The following GALNT13 variants were observed in gnomAD, a reference collection of about 807,000 sequenced individuals.
GALNT13 encodes UDP-GalNAc:polypeptide N-acetylgalactosaminyltransferase 13.
Under a neutral mutation model 64.2 loss-of-function variants are expected in GALNT13, and 28 were observed. That is an observed-to-expected ratio of 0.44 (90% CI 0.32 to 0.60). The LOEUF is 0.60. GALNT13 is among the 20% of genes least tolerant of loss of function. The pLI, the probability that GALNT13 is intolerant of heterozygous loss-of-function variation, is 0.05. For synonymous variants in GALNT13, 214 were observed against 224.6 expected (o/e 0.95, Z 0.42); for missense variants, 577 against 669.8 (o/e 0.86, Z 1.53).
At chr2:153,579,799 T>C in the GALNT13 span, among the ~76,000 whole-genome samples, 1 of 152,216 alleles carries the variant, frequency 6.6e-6, no homozygotes, top group African/African-American at 2.4e-5. Flanking sequence ...GAACTGGGCT[T>C]GTGAGGGATC....
intron 7 of GALNT13, among the ~76,000 whole-genome samples, chr2:154,251,552 T>C (rs1690071564): frequency 2.0e-5 from 3 of 152,182 alleles, no homozygotes; most frequent in African/African-American, 7.2e-5. Flanking sequence ...TTGTGTTTCA[T>C]CGACTCTGCA....
At chr2:153,606,994 T>A in the GALNT13 span, among the ~76,000 whole-genome samples, 7 of 152,156 alleles carry the variant, frequency 4.6e-5, no homozygotes, top group South Asian at 1.5e-3. Context: ...GATGCACTTT[T>A]CTTTGGGAAA....
At chr2:153,528,929 C>G in the GALNT13 span, among the ~76,000 whole-genome samples, 1 of 151,696 alleles carries the variant, frequency 6.6e-6, no homozygotes, top group Non-Finnish European at 1.5e-5. Context: ...AAGCAGTACT[C>G]AGAGGGAAGT....
At chr2:153,631,851 C>A in the GALNT13 span, among the ~76,000 whole-genome samples, 2 of 152,098 alleles carry the variant, frequency 1.3e-5, no homozygotes, top group Non-Finnish European at 2.9e-5. Flanking sequence ...GTTGCCATTG[C>A]TTTTGGTGTT....
At chr2:153,253,807 C>T in the GALNT13 span, among the ~76,000 whole-genome samples, 2 of 151,668 alleles carry the variant, frequency 1.3e-5, no homozygotes, top group Admixed American at 6.6e-5. Context: ...CCCTGCATCC[C>T]AGGGATGAAG....
the GALNT13 span, among the ~76,000 whole-genome samples, chr2:153,599,838 A>C: frequency 6.6e-6 from 1 of 151,964 alleles, no homozygotes; most frequent in Non-Finnish European, 1.5e-5. Context: ...TCCATAAATC[A>C]CATGTAAATA....
intron 12 of GALNT13, among the ~76,000 whole-genome samples, chr2:154,440,557 A>G (rs1701237152): frequency 6.6e-6 from 1 of 152,148 alleles, no homozygotes; most frequent in South Asian, 2.1e-4. Context: ...ATTTCAGAGC[A>G]CTATAATATT....
the GALNT13 span, among the ~76,000 whole-genome samples, chr2:153,406,113 A>G: frequency 6.6e-6 from 1 of 152,178 alleles, no homozygotes; most frequent in African/African-American, 2.4e-5. Flanking sequence ...AACCCCACCA[A>G]TAGCACTGGA....
At chr2:154,121,449 A>G (rs910415043) in intron 3 of GALNT13, among the ~76,000 whole-genome samples, 2 of 152,156 alleles carry the variant, frequency 1.3e-5, no homozygotes, top group Non-Finnish European at 2.9e-5. Flanking sequence ...CTTCTAATCC[A>G]TGAAAACACT....
the GALNT13 span, among the ~76,000 whole-genome samples, chr2:153,419,985 G>A: frequency 8.5e-5 from 13 of 152,212 alleles, no homozygotes; most frequent in African/African-American, 2.9e-4. Context: ...ACAAAATTAT[G>A]AATGTGAAGA....
At chr2:153,155,644 A>G in the GALNT13 span, among the ~76,000 whole-genome samples, 10 of 151,932 alleles carry the variant, frequency 6.6e-5, no homozygotes, top group Non-Finnish European at 1.3e-4. Context: ...TGGTCTATCT[A>G]TGTTATTAAT....
chr2:153,702,813 A>G, the GALNT13 span, among the ~76,000 whole-genome samples: 1 of 152,162 alleles, frequency 6.6e-6, no homozygotes, highest in South Asian at 2.1e-4. Context: ...AAGGACTAAG[A>G]TCTGTAGTAA....
intron 4 of GALNT13, among the ~76,000 whole-genome samples, chr2:154,197,550 C>A: frequency 6.6e-6 from 1 of 151,508 alleles, no homozygotes; most frequent in East Asian, 1.9e-4. Flanking sequence ...TTAAAGACTT[C>A]AAAGTAAGAA....
chr2:153,138,987 G>A, the GALNT13 span, among the ~76,000 whole-genome samples: 1 of 151,946 alleles, frequency 6.6e-6, no homozygotes, highest in Non-Finnish European at 1.5e-5. Context: ...TTTTCTGCCT[G>A]TCCCCTTTCA....
intron 4 of GALNT13, among the ~76,000 whole-genome samples, chr2:154,202,964 A>T (rs1687252220): frequency 6.6e-6 from 1 of 152,094 alleles, no homozygotes; most frequent in South Asian, 2.1e-4. Flanking sequence ...GGTGAATCTG[A>T]TTCAGTCATT....
chr2:154,054,356 T>C (rs911009104), intron 3 of GALNT13, among the ~76,000 whole-genome samples: 6 of 152,076 alleles, frequency 3.9e-5, no homozygotes, highest in African/African-American at 1.4e-4. Context: ...TTTTTATTTT[T>C]ATGTTATGAA....
chr2:154,115,948 C>T (rs1405430131), intron 3 of GALNT13, among the ~76,000 whole-genome samples: 2 of 152,164 alleles, frequency 1.3e-5, no homozygotes, highest in Admixed American at 6.5e-5. Context: ...GGGTCACACT[C>T]TGAACCTTAC....
At chr2:154,259,670 G>A (rs1690582775) in intron 8 of GALNT13, among the ~76,000 whole-genome samples, 1 of 152,116 alleles carries the variant, frequency 6.6e-6, no homozygotes, top group African/African-American at 2.4e-5. Context: ...AATAAAAATT[G>A]AGGAATAAGT....
At chr2:153,346,716 A>C in the GALNT13 span, among the ~76,000 whole-genome samples, 3 of 152,196 alleles carry the variant, frequency 2.0e-5, no homozygotes, top group Non-Finnish European at 4.4e-5. Flanking sequence ...AAATCAAAGC[A>C]TGTTCTTATT....
Sources: gnomAD v4.1 joint callset for allele counts (sites outside exome capture counted in the v4.1 genomes callset) on GRCh38, gnomAD v4.1.1 for gene constraint, MANE v1.5 for transcripts, NCBI Gene and HGNC (gene_info 2026-07-23, HGNC 2026-07-21) for gene names.